NTNG2: variants seen among roughly 807,000 people sequenced by gnomAD.
NTNG2 encodes the protein netrin G2, also known as netrin-G2.
NTNG2 carries 15 observed loss-of-function variants against 47.6 expected under a neutral mutation model. The ratio of observed to expected loss-of-function variants is 0.32; its 90% CI spans 0.21 to 0.49. The LOEUF is 0.49. NTNG2 is among the 20% of genes least tolerant of loss of function. NTNG2 has a pLI of 0.99. For missense variants in NTNG2, 578 were observed against 764.6 expected (o/e 0.76, Z 2.88); for synonymous variants, 307 against 324.6 (o/e 0.95, Z 0.58).
intron 2 of NTNG2, among the ~76,000 whole-genome samples, chr9:132,193,080 C>T (rs561439507): frequency 1.2e-4 from 19 of 152,302 alleles, no homozygotes; most frequent in African/African-American, 4.3e-4. Context: ...GCCACAATGC[C>T]CCCACCCCAT....
Position 132,241,860 on chromosome 9 carries a change from C to A in NTNG2, c.1358-16C>A, listed in dbSNP as rs991329913. ...ACCGGGCCACCCCCCGTGCTGACCG[C>A]CCCCTCCGCCTGCAGCCAACGTGTG... On this transcript the variant is annotated splice_polypyrimidine_tract_variant and intron_variant, in intron 7 of 7. Transcript: ENST00000393229. 4 of 1,541,892 alleles carry A rather than the reference C, an allele frequency of 2.6e-6. No individual in the cohort carries two copies. In the East Asian group the frequency reaches 7.6e-5, roughly 29 times the overall value.
At chr9:132,234,318 G>A (rs983440139) in intron 5 of NTNG2, among the ~76,000 whole-genome samples, 8 of 152,188 alleles carry the variant, frequency 5.3e-5, no homozygotes, top group African/African-American at 4.8e-5. Flanking sequence ...GTGAGCCACC[G>A]CACCCGGCCA....
chr9:132,237,769 G>A (rs1401684292), intron 5 of NTNG2, among the ~76,000 whole-genome samples: 1 of 152,218 alleles, frequency 6.6e-6, no homozygotes, highest in Non-Finnish European at 1.5e-5. Flanking sequence ...CAGAGCAGAT[G>A]CCAGAAATAG....
intron 1 of NTNG2, chr9:132,165,883 G>A (rs1835474058): frequency 6.6e-6 from 1 of 152,128 alleles, no homozygotes; most frequent in East Asian, 1.9e-4. Context: ...AGTTTTCTCG[G>A]GAGACTTTGC....
At chr9:132,238,819 T>G in intron 5 of NTNG2, 1 of 483,384 alleles carries the variant, frequency 2.1e-6, no homozygotes, top group Non-Finnish European at 3.7e-6. Context: ...CAGCCAGGCA[T>G]TAGCAGGAGC....
chr9:132,239,541 G>C (rs1841851066), intron 6 of NTNG2, among the ~76,000 whole-genome samples: 2 of 152,222 alleles, frequency 1.3e-5, no homozygotes, highest in African/African-American at 4.8e-5. Flanking sequence ...GGCAACTGGA[G>C]GGGACACTGA....
chr9:132,168,647 C>G (rs1835671845), intron 2 of NTNG2, among the ~76,000 whole-genome samples: 1 of 151,966 alleles, frequency 6.6e-6, no homozygotes, highest in Non-Finnish European at 1.5e-5. Context: ...ACCGCAGGGC[C>G]AAGCAAGGGG....
At chr9:132,232,564 T>G (rs1841316041) in intron 5 of NTNG2, 1 of 152,384 alleles carries the variant, frequency 6.6e-6, no homozygotes, top group African/African-American at 2.4e-5. Flanking sequence ...GGAGTATCCC[T>G]GCACTCTGTG....
rs1291035471 is a variant in NTNG2, at chr9:132,163,753, G to A, written c.-484+1514G>A. 6.6e-6 allele frequency among the ~76,000 whole-genome samples: 1 copy of A among 152,226 alleles called. No homozygotes were observed. The highest frequency in any genetic ancestry group is 2.1e-4 in the South Asian group (1 of 4,834). ...GCAACTCCAAGAGGAACCTGCTGGC[G>A]AGCCCAGCCAGCTCGGGAGGCGCTA... On this transcript the variant is annotated intron_variant, in intron 1 of 7. Transcript: ENST00000393229. This position sits in a 1 kb window ranked among gnomAD's most constrained non-coding sequence, Gnocchi z 7.2.
intron 2 of NTNG2, among the ~76,000 whole-genome samples, chr9:132,192,744 G>A (rs1169092513): frequency 6.6e-6 from 1 of 152,182 alleles, no homozygotes; most frequent in Non-Finnish European, 1.5e-5. Context: ...TGAGACCTTG[G>A]GGAGCAAAAT....
chr9:132,227,218 C>T (rs1191942625), intron 4 of NTNG2, among the ~76,000 whole-genome samples, 197 bp downstream of exon 4: 3 of 152,208 alleles, frequency 2.0e-5, no homozygotes, highest in Non-Finnish European at 2.9e-5. Flanking sequence ...TGCAAAAACA[C>T]GTGCATGCAC....
intron 5 of NTNG2, chr9:132,233,777 G>A (rs570364828): frequency 6.6e-6 from 1 of 152,230 alleles, no homozygotes; most frequent in Admixed American, 6.5e-5. Flanking sequence ...TGGGCTCACA[G>A]CTCCGTGAGA....
chr9:132,181,470 G>T (rs142038376), intron 2 of NTNG2, among the ~76,000 whole-genome samples: 1 of 151,182 alleles, frequency 6.6e-6, no homozygotes, highest in East Asian at 2.0e-4. Context: ...ACAGGCACCT[G>T]CCACCATGCC....
intron 3 of NTNG2, among the ~76,000 whole-genome samples, chr9:132,210,787 C>T (rs980334644): frequency 6.6e-5 from 10 of 152,162 alleles, no homozygotes; most frequent in African/African-American, 2.4e-4. Flanking sequence ...TGCCTCCCTC[C>T]ACATCTCAGC....
Position 132,197,434 on chromosome 9 carries a change from G to A in NTNG2, c.214-532G>A, listed in dbSNP as rs527939335. ...ATTAAAAAATAAAAGGCTCAGGAAGGTGACTCAGCTAAGGAGATATTTAGA... is the reference window on the plus strand; with the variant it reads ...ATTAAAAAATAAAAGGCTCAGGAAGATGACTCAGCTAAGGAGATATTTAGA... On this transcript the variant is annotated intron_variant, in intron 2 of 7. Transcript: ENST00000393229. This position sits in a 1 kb window ranked among gnomAD's most constrained non-coding sequence, Gnocchi z 4.3. Among the ~76,000 whole-genome samples the A allele has an allele frequency of 2.0e-4, 31 of 152,164 alleles. 1 individual carries two copies. In the South Asian group the frequency reaches 2.1e-3, roughly 10 times the overall value.
chr9:132,189,713 C>T (rs1425807752), intron 2 of NTNG2, among the ~76,000 whole-genome samples: 1 of 152,090 alleles, frequency 6.6e-6, no homozygotes, highest in Non-Finnish European at 1.5e-5. Context: ...GATCTCAGCT[C>T]ACTGCAACCT....
At position 132,208,267 on chromosome 9, in the gene NTNG2, G is replaced by A. The variant is rs1839320513; in HGVS notation, c.857+9658G>A. 6.6e-6 allele frequency among the ~76,000 whole-genome samples: 1 copy of A among 152,104 alleles called. No individual in the cohort carries two copies. The highest frequency in any genetic ancestry group is 1.5e-5 in the Non-Finnish European group (1 of 68,008). On this transcript the variant is annotated intron_variant, in intron 3 of 7. Coordinates refer to ENST00000393229, the MANE Select transcript of NTNG2 (RefSeq NM_032536.4). This position sits in a 1 kb window ranked among gnomAD's most constrained non-coding sequence, Gnocchi z 4.0. ...GGACAGCAGGCAGGACAGGTGCAGT[G>A]CCTTCTAAGGACTCAGTGTGATGTG... is the stretch of plus-strand genomic sequence containing the variant.
chr9:132,197,245 C>T lies in NTNG2; in HGVS notation c.214-721C>T, dbSNP rs1838381893. Among the ~76,000 whole-genome samples the T allele has an allele frequency of 6.6e-6, 1 of 152,074 alleles. No homozygotes were observed. Among genetic ancestry groups the T allele is most frequent in the Non-Finnish European group, 1.5e-5 (1 of 68,030 alleles). On this transcript the variant is annotated intron_variant, in intron 2 of 7. Transcript: ENST00000393229. This position sits in a 1 kb window ranked among gnomAD's most constrained non-coding sequence, Gnocchi z 4.3. ...CTCTACTAAAAACACAAAAATTAGCCGGGCGTGGTGGTGCATGCCTGTAAT... is the reference window on the plus strand; with the variant it reads ...CTCTACTAAAAACACAAAAATTAGCTGGGCGTGGTGGTGCATGCCTGTAAT...
chr9:132,223,918 C>T (rs1379999267), intron 3 of NTNG2, among the ~76,000 whole-genome samples: 1 of 151,864 alleles, frequency 6.6e-6, no homozygotes, highest in Non-Finnish European at 1.5e-5. Context: ...TCCTCCACCC[C>T]CCAGCCTCAT....
Sources: gnomAD v4.1 joint callset for allele counts (sites outside exome capture counted in the v4.1 genomes callset) on GRCh38, gnomAD v4.1.1 for gene constraint, Gnocchi (gnomAD v3.1) non-coding constraint, MANE v1.5 for transcripts, NCBI Gene and HGNC (gene_info 2026-07-23, HGNC 2026-07-21) for gene names.